PCDHGA2: variants seen among roughly 807,000 people sequenced by gnomAD.
PCDHGA2 encodes protocadherin gamma subfamily A, 2.
Under a neutral mutation model 59.2 loss-of-function variants are expected in PCDHGA2, and 40 were observed. That is an observed-to-expected ratio of 0.68 (90% CI 0.52 to 0.88). The LOEUF is 0.88. PCDHGA2 is among the 40% of genes least tolerant of loss of function. PCDHGA2 has a pLI of 0.00. For missense variants in PCDHGA2, 1,226 were observed against 1,204.0 expected (o/e 1.02, Z -0.27); for synonymous variants, 560 against 526.0 (o/e 1.06, Z -0.89).
chr5:141,385,483 A>T (rs981503954), intron 1 of PCDHGA2: 8 of 1,423,220 alleles, frequency 5.6e-6, no homozygotes, highest in Non-Finnish European at 7.3e-6. Context: ...TTAATATAGA[A>T]CACATAGGAT....
rs1215626157 is a variant in PCDHGA2, at chr5:141,487,804, GT to G, written c.2425-7000del. ...TCGTGAATTAACCAGAGTTGTCACAGTTTAGCATTGGGGGCGGGTCATGCCT... is the reference window on the plus strand; with the variant it reads ...TCGTGAATTAACCAGAGTTGTCACAGTTAGCATTGGGGGCGGGTCATGCCT... On this transcript the variant is annotated intron_variant, in intron 1 of 3. Transcript: ENST00000394576. The surrounding 1 kb of genome is among the most constrained non-coding windows in gnomAD (Gnocchi z 5.0). 15 of 1,451,846 alleles carry G rather than the reference GT, an allele frequency of 1.0e-5. No homozygotes were observed. The highest frequency in any genetic ancestry group is 1.3e-5 in the Non-Finnish European group (14 of 1,072,382). 89.9% of individuals were successfully genotyped at this position (1,451,846 alleles called of 1,614,324 possible).
chr5:141,449,066 A>G (rs1234801725), intron 1 of PCDHGA2, among the ~76,000 whole-genome samples: 3 of 152,188 alleles, frequency 2.0e-5, no homozygotes, highest in African/African-American at 4.8e-5. Context: ...GCGCTATTGA[A>G]TAGCCCTGTA....
At chr5:141,505,261 T>C in intron 2 of PCDHGA2, 132 bp from the exon 3 acceptor site, 1 of 1,505,282 alleles carries the variant, frequency 6.6e-7, no homozygotes. Context: ...GCCTCCTACC[T>C]TGCTGAGAGA....
chr5:141,414,357 A>G, intron 1 of PCDHGA2: 3 of 1,613,888 alleles, frequency 1.9e-6, no homozygotes, highest in Non-Finnish European at 2.5e-6. Flanking sequence ...TGGCGTATCT[A>G]CCATTTAAAT....
At position 141,422,630 on chromosome 5, in the gene PCDHGA2, G is replaced by A. The variant is rs1193466428; in HGVS notation, c.2425-72177G>A. 5 of 1,613,176 alleles carry A rather than the reference G, an allele frequency of 3.1e-6. No homozygotes were observed. The Admixed American group carries it at 8.3e-5, about 27-fold the overall frequency. On this transcript the variant is annotated intron_variant, in intron 1 of 3. Coordinates refer to ENST00000394576, the MANE Select transcript of PCDHGA2 (RefSeq NM_018915.4). ...GCCTACATTCCCGAAAACAACCCCA[G>A]GGGTGCCTCCATCTTCTCAGTGACC...
At chr5:141,400,031 G>T in intron 1 of PCDHGA2, 1 of 1,613,082 alleles carries the variant, frequency 6.2e-7, no homozygotes, top group Admixed American at 1.7e-5. Flanking sequence ...GACGCGGCCC[G>T]CCAGCGCCTG....
Position 141,360,239 on chromosome 5 carries a change from A to G in PCDHGA2, c.2424+18844A>G, listed in dbSNP as rs775491179. 2 of 1,613,884 alleles carry G rather than the reference A, an allele frequency of 1.2e-6. No homozygotes were observed. The highest frequency in any genetic ancestry group is 1.7e-6 in the Non-Finnish European group (2 of 1,179,852). On this transcript the variant is annotated intron_variant, in intron 1 of 3. Transcript: ENST00000394576. ...GGGGCTCTCCCAGTCCAGATCCGCTATTCAATTCCAGAGGAGCTGGCCAAA... is the reference window on the plus strand; with the variant it reads ...GGGGCTCTCCCAGTCCAGATCCGCTGTTCAATTCCAGAGGAGCTGGCCAAA...
At chr5:141,421,478 G>T in intron 1 of PCDHGA2, 1 of 1,614,130 alleles carries the variant, frequency 6.2e-7, no homozygotes, top group Non-Finnish European at 8.5e-7. Flanking sequence ...CGAAGCGGCA[G>T]CTTGATCACG....
At chr5:141,504,743 G>A (rs924744762) in intron 2 of PCDHGA2, among the ~76,000 whole-genome samples, 5 of 151,982 alleles carry the variant, frequency 3.3e-5, no homozygotes, top group African/African-American at 9.7e-5. Context: ...GGAAGCCATT[G>A]AATTTTAGAA....
Position 141,339,973 on chromosome 5 carries a change from C to A in PCDHGA2, c.1002C>A (p.Ile334=), listed in dbSNP as rs149528645. Residue 334 remains isoleucine, a synonymous_variant, in exon 1 of 4, where the codon ATC becomes ATA. Coordinates refer to ENST00000394576, the MANE Select transcript of PCDHGA2 (RefSeq NM_018915.4). ...GPGLLTRAKV[I]VTVLDVNDNA... ...GCCTTCTAACCAGAGCGAAGGTTAT[C>A]GTCACGGTTCTGGATGTGAATGACA... 1 of 1,613,970 alleles carries A rather than the reference C, an allele frequency of 6.2e-7. No individual in the cohort carries two copies. The highest frequency in any genetic ancestry group is 1.3e-5 in the African/African-American group (1 of 74,910).
At chr5:141,413,089 C>A in intron 1 of PCDHGA2, 1 of 1,401,120 alleles carries the variant, frequency 7.1e-7, no homozygotes, top group Non-Finnish European at 9.7e-7. Context: ...TACAGAGACA[C>A]CCTGAAGCCA....
At chr5:141,412,441 G>A (rs1334085357) in intron 1 of PCDHGA2, 2 of 152,124 alleles carry the variant, frequency 1.3e-5, no homozygotes, top group Non-Finnish European at 2.9e-5. Context: ...GTTAATTAAG[G>A]CTCAGTAAAA....
chr5:141,407,949 C>T, intron 1 of PCDHGA2: 1 of 575,256 alleles, frequency 1.7e-6, no homozygotes, highest in Non-Finnish European at 2.8e-6. Context: ...CCGCTGTCGG[C>T]CAGTGCAGAG....
chr5:141,490,837 G>A lies in PCDHGA2; in HGVS notation c.2425-3970G>A. On this transcript the variant is annotated intron_variant, in intron 1 of 3. Coordinates refer to ENST00000394576, the MANE Select transcript of PCDHGA2 (RefSeq NM_018915.4). This position sits in a 1 kb window ranked among gnomAD's most constrained non-coding sequence, Gnocchi z 5.4. ...TGAATTGCTGCAGATGCTGCAGATTGTGGTGGGGGTTCGAGACTCCGGCTC... is the reference window on the plus strand; with the variant it reads ...TGAATTGCTGCAGATGCTGCAGATTATGGTGGGGGTTCGAGACTCCGGCTC... The A allele has an allele frequency of 1.9e-6, 3 of 1,613,914 alleles. No homozygotes were observed. The highest frequency in any genetic ancestry group is 2.2e-5 in the South Asian group (2 of 91,072).
At chr5:141,344,360 G>A (rs1757407627) in intron 1 of PCDHGA2, 1 of 1,613,558 alleles carries the variant, frequency 6.2e-7, no homozygotes, top group Non-Finnish European at 8.5e-7. Flanking sequence ...TTAACATTCT[G>A]GTTGAGGATA....
chr5:141,350,166 A>AT, intron 1 of PCDHGA2: 1 of 1,181,016 alleles, frequency 8.5e-7, no homozygotes, highest in African/African-American at 1.5e-5. Flanking sequence ...CGCCTAACTA[A>AT]TAAGTCCTAA....
At chr5:141,400,301 C>T in intron 1 of PCDHGA2, 3 of 1,614,084 alleles carry the variant, frequency 1.9e-6, no homozygotes, top group Non-Finnish European at 2.5e-6. Flanking sequence ...TGCTTCCAAC[C>T]TGGTCTCTGT....
chr5:141,340,547 C>G lies in PCDHGA2; in HGVS notation c.1576C>G (p.Arg526Gly), dbSNP rs764772557. 1.2e-5 allele frequency: 20 copies of G among 1,614,224 alleles called. No homozygotes were observed. Among genetic ancestry groups the G allele is most frequent in the Non-Finnish European group, 1.7e-5 (20 of 1,180,048 alleles). Residue 526 changes from arginine (R) to glycine (G), a missense_variant, in exon 1 of 4, where the codon CGA becomes GGA. Arg to Gly is a moderately radical substitution (Grantham distance 125). Transcript: ENST00000394576. ...ALRSFDYEQL[R>G]DLQVWVIARD... ...GCGCTCCTTTGATTATGAGCAGTTG[C>G]GAGACTTGCAAGTGTGGGTGATAGC...
chr5:141,373,903 C>T (rs1769941634), intron 1 of PCDHGA2: 1 of 586,370 alleles, frequency 1.7e-6, no homozygotes. Flanking sequence ...GTTACATCCT[C>T]CAACAACAAA....
Sources: allele counts gnomAD v4.1 joint callset (sites outside exome capture counted in the v4.1 genomes callset), GRCh38; gene constraint gnomAD v4.1.1; non-coding constraint Gnocchi (gnomAD v3.1); transcripts MANE v1.5; gene names NCBI Gene and HGNC (gene_info 2026-07-23, HGNC 2026-07-21).